The following PEX3 variants were observed in gnomAD, a reference collection of about 807,000 sequenced individuals.
The protein encoded by PEX3 is peroxin-3.
PEX3 carries 30 observed loss-of-function variants against 55.8 expected under a neutral mutation model. That is an observed-to-expected ratio of 0.54 (90% CI 0.40 to 0.73). The LOEUF (loss-of-function observed/expected upper bound fraction) is 0.73. Among genes scored for constraint, PEX3 ranks in the 30% least tolerant of loss-of-function variants. PEX3 has a pLI of 0.00. For synonymous variants in PEX3, 135 were observed against 148.4 expected (o/e 0.91, Z 0.66); for missense variants, 351 against 432.8 (o/e 0.81, Z 1.68).
At position 143,476,314 on chromosome 6, in the gene PEX3, A is replaced by C. The variant is rs1036403533; in HGVS notation, c.818+1458A>C. On this transcript the variant is annotated intron_variant, in intron 9 of 11. Coordinates refer to ENST00000367591, the MANE Select transcript of PEX3 (RefSeq NM_003630.3). This position sits in a 1 kb window ranked among gnomAD's most constrained non-coding sequence, Gnocchi z 5.4. ...GTAATAGGGAAGTGAGATTGGAGAGATAGATGGAAACTCCAGAGTATGTTG... is the reference window on the plus strand; with the variant it reads ...GTAATAGGGAAGTGAGATTGGAGAGCTAGATGGAAACTCCAGAGTATGTTG... Among the ~76,000 whole-genome samples the C allele has an allele frequency of 6.6e-6, 1 of 152,216 alleles. No individual in the cohort carries two copies. Among genetic ancestry groups the C allele is most frequent in the African/African-American group, 2.4e-5 (1 of 41,448 alleles).
chr6:143,452,100 T>C (rs1779778231), intron 1 of PEX3, among the ~76,000 whole-genome samples: 1 of 152,202 alleles, frequency 6.6e-6, no homozygotes, highest in African/African-American at 2.4e-5. Flanking sequence ...AAATTAACAG[T>C]ACGTATTAGA....
At chr6:143,455,359 ATTTT>A (rs56788350) in intron 1 of PEX3, among the ~76,000 whole-genome samples, 7 of 71,988 alleles carry the variant, frequency 9.7e-5, no homozygotes, top group African/African-American at 3.3e-4. Context: ...CGCCCGGCTA[ATTTT>A]TTTTTTTTTT....
rs1313684930 is a variant in PEX3 at position 143,462,907 on chromosome 6, G to A, written c.206-9G>A. 1 of 1,606,652 alleles carries A rather than the reference G, an allele frequency of 6.2e-7. No individual in the cohort carries two copies. On this transcript the variant is annotated splice_polypyrimidine_tract_variant and intron_variant, in intron 2 of 11. Coordinates refer to ENST00000367591, the MANE Select transcript of PEX3 (RefSeq NM_003630.3). The surrounding 1 kb of genome is among the most constrained non-coding windows in gnomAD (Gnocchi z 4.1). ...GTGACCTTTTTTATTTTTTTTGTTT[G>A]TATTACAGTGCTGTCCATGCTTCCA... is the stretch of plus-strand genomic sequence containing the variant.
Position 143,488,741 on chromosome 6 carries a change from T to C in PEX3, c.1039-402T>C, listed in dbSNP as rs1033486969. Reference sequence around the variant, plus strand: ...GTGTATATGTAAAATATGCACTTACTACACATATTCATACCGTATGTTAGA... The same window carrying C: ...GTGTATATGTAAAATATGCACTTACCACACATATTCATACCGTATGTTAGA... On this transcript the variant is annotated intron_variant, in intron 11 of 11. Transcript: ENST00000367591. The surrounding 1 kb of genome is among the most constrained non-coding windows in gnomAD (Gnocchi z 4.9). Among the ~76,000 whole-genome samples the C allele has an allele frequency of 2.0e-5, 3 of 152,144 alleles. No individual in the cohort carries two copies. The highest frequency in any genetic ancestry group is 7.2e-5 in the African/African-American group (3 of 41,452).
Position 143,462,964 on chromosome 6 carries a change from A to G in PEX3, c.254A>G (p.Asn85Ser), listed in dbSNP as rs1562652385. ...TLREALMQQLNSESLTALLKN... is the reference protein window; with the variant it reads ...TLREALMQQLSSESLTALLKN... ...AGAGAGGCCTTAATGCAGCAACTGA[A>G]TTCCGAGAGCCTCACAGCTCTGCTA... Residue 85 changes from asparagine (N) to serine (S), a missense_variant, in exon 3 of 12, where the codon AAT (asparagine) becomes AGT (serine). Coordinates refer to ENST00000367591, the MANE Select transcript of PEX3 (RefSeq NM_003630.3). The surrounding 1 kb of genome is among the most constrained non-coding windows in gnomAD (Gnocchi z 4.1). 1 of 1,613,912 alleles carries G rather than the reference A, an allele frequency of 6.2e-7. No individual in the cohort carries two copies.
chr6:143,489,158 G>A lies in PEX3; in HGVS notation c.1054G>A (p.Glu352Lys). The change falls in exon 12 of 12, where the codon GAG becomes AAG. Residue 352 changes from glutamate to lysine, a missense_variant. Glu to Lys is a moderately conservative substitution (Grantham distance 56). Transcript: ENST00000367591. This position sits in a 1 kb window ranked among gnomAD's most constrained non-coding sequence, Gnocchi z 5.5. ...SHFVQDLLTM[E>K]QVKDFAANVY... ...TCTTTGCTAGGATCTGTTGACAATG[G>A]AGCAAGTGAAAGACTTTGCTGCTAA... The A allele has an allele frequency of 6.2e-7, 1 of 1,604,454 alleles. No individual in the cohort carries two copies. The highest frequency in any genetic ancestry group is 8.5e-7 in the Non-Finnish European group (1 of 1,171,570).
intron 8 of PEX3, among the ~76,000 whole-genome samples, chr6:143,473,223 A>T (rs1780099066): frequency 6.6e-6 from 1 of 152,184 alleles, no homozygotes; most frequent in South Asian, 2.1e-4. Flanking sequence ...GGGTGCTGAG[A>T]GATCCTACAT....
rs1176492801 is a variant in PEX3, at chr6:143,483,072, A to G, written c.942-2080A>G. ...CCATGAGTGTAATGACATTATATAC[A>G]GAACTTTTGCACATCAGTTAAGGAA... On this transcript the variant is annotated intron_variant, in intron 10 of 11. Coordinates refer to ENST00000367591, the MANE Select transcript of PEX3 (RefSeq NM_003630.3). The surrounding 1 kb of genome is among the most constrained non-coding windows in gnomAD (Gnocchi z 4.3). Among the ~76,000 whole-genome samples the G allele has an allele frequency of 1.3e-5, 2 of 152,182 alleles. No homozygotes were observed. Among genetic ancestry groups the G allele is most frequent in the African/African-American group, 4.8e-5 (2 of 41,454 alleles).
chr6:143,486,351 A>C lies in PEX3; in HGVS notation c.1038+1103A>C, dbSNP rs983183444. On this transcript the variant is annotated intron_variant, in intron 11 of 11. Transcript: ENST00000367591. This position sits in a 1 kb window ranked among gnomAD's most constrained non-coding sequence, Gnocchi z 5.0. ...CCCTGGCTTGGCCAGTAGGCTGTTC[A>C]TTTTGACAGATGAGTGGAAATTACA... is the stretch of plus-strand genomic sequence containing the variant. Among the ~76,000 whole-genome samples the C allele has an allele frequency of 2.0e-5, 3 of 152,090 alleles. No individual in the cohort carries two copies. The highest frequency in any genetic ancestry group is 7.2e-5 in the African/African-American group (3 of 41,416).
chr6:143,450,982 AAC>A lies in PEX3; in HGVS notation c.-59_-58del. ...GGTCATCTGGGCCAGGTGACGAAGA[AAC>A]AGTTTCCTGGTGAAGCAGTCCCTCA... On this transcript the variant is annotated 5_prime_UTR_variant, in exon 1 of 12. Transcript: ENST00000367591. 2 of 1,245,696 alleles carry A rather than the reference AAC, an allele frequency of 1.6e-6. No homozygotes were observed. Among genetic ancestry groups the A allele is most frequent in the East Asian group, 2.3e-5 (1 of 43,254 alleles). 77.2% of individuals were successfully genotyped at this position (1,245,696 alleles called of 1,614,324 possible).
rs1030371840 is a variant in PEX3 at position 143,482,755 on chromosome 6, G to A, written c.942-2397G>A. Among the ~76,000 whole-genome samples the A allele has an allele frequency of 2.6e-5, 4 of 151,968 alleles. No homozygotes were observed. Among genetic ancestry groups the A allele is most frequent in the Non-Finnish European group, 5.9e-5 (4 of 67,924 alleles). Reference sequence around the variant, plus strand: ...TGGGCAAAATATATGTTGGTAAGACGAATAACAATTAGTCATTTTACAATG... The same window carrying A: ...TGGGCAAAATATATGTTGGTAAGACAAATAACAATTAGTCATTTTACAATG... On this transcript the variant is annotated intron_variant, in intron 10 of 11. Coordinates refer to ENST00000367591, the MANE Select transcript of PEX3 (RefSeq NM_003630.3). The surrounding 1 kb of genome is among the most constrained non-coding windows in gnomAD (Gnocchi z 5.5).
intron 8 of PEX3, among the ~76,000 whole-genome samples, chr6:143,474,345 G>C (rs553328152): frequency 6.6e-6 from 1 of 151,770 alleles, no homozygotes; most frequent in East Asian, 1.9e-4. Flanking sequence ...TGTAATCCCA[G>C]CTACTCAGGA....
rs1400844045 is a variant in PEX3, at chr6:143,483,535, T to C, written c.942-1617T>C. Among the ~76,000 whole-genome samples, 1 of 152,160 alleles carries C rather than the reference T, an allele frequency of 6.6e-6. No individual in the cohort carries two copies. The highest frequency in any genetic ancestry group is 1.5e-5 in the Non-Finnish European group (1 of 68,028). On this transcript the variant is annotated intron_variant, in intron 10 of 11. Coordinates refer to ENST00000367591, the MANE Select transcript of PEX3 (RefSeq NM_003630.3). The surrounding 1 kb of genome is among the most constrained non-coding windows in gnomAD (Gnocchi z 4.3). Reference sequence around the variant, plus strand: ...AAGACTTATAAAGAGGCTGGCATGGTAGCTGAATACATAGAACAAGAGTGG... The same window carrying C: ...AAGACTTATAAAGAGGCTGGCATGGCAGCTGAATACATAGAACAAGAGTGG...
chr6:143,467,332 A>AT (rs1780006076), intron 3 of PEX3, among the ~76,000 whole-genome samples: 1 of 152,150 alleles, frequency 6.6e-6, no homozygotes. Flanking sequence ...TATCAGTATG[A>AT]ATTCATGATG....
intron 10 of PEX3, among the ~76,000 whole-genome samples, chr6:143,484,741 T>C (rs1007416518): frequency 1.3e-5 from 2 of 152,034 alleles, no homozygotes; most frequent in East Asian, 3.9e-4. Context: ...TTAAGAAAAT[T>C]TAGGCAAAAA....
rs964610655 is a variant in PEX3 at position 143,451,634 on chromosome 6, A to G, written c.73+519A>G. Among the ~76,000 whole-genome samples, 1 of 152,240 alleles carries G rather than the reference A, an allele frequency of 6.6e-6. No individual in the cohort carries two copies. Among genetic ancestry groups the G allele is most frequent in the Non-Finnish European group, 1.5e-5 (1 of 68,040 alleles). ...CTGAAAGATATGGATTAGATAAAGA[A>G]AAACAAATCAATATTTTAGCTCTGT... On this transcript the variant is annotated intron_variant, in intron 1 of 11. Coordinates refer to ENST00000367591, the MANE Select transcript of PEX3 (RefSeq NM_003630.3). This position sits in a 1 kb window ranked among gnomAD's most constrained non-coding sequence, Gnocchi z 4.1.
rs1261927104 is a variant in PEX3, at chr6:143,463,925, A to G, written c.287+928A>G. Among the ~76,000 whole-genome samples the G allele has an allele frequency of 2.0e-5, 3 of 152,144 alleles. No individual in the cohort carries two copies. Among genetic ancestry groups the G allele is most frequent in the Non-Finnish European group, 4.4e-5 (3 of 67,980 alleles). On this transcript the variant is annotated intron_variant, in intron 3 of 11. Coordinates refer to ENST00000367591, the MANE Select transcript of PEX3 (RefSeq NM_003630.3). The surrounding 1 kb of genome is among the most constrained non-coding windows in gnomAD (Gnocchi z 5.7). ...GGGAATTTTTTTAAAAACACTTACT[A>G]TATTCAGAGAATACTTCCCAAAATA...
intron 9 of PEX3, among the ~76,000 whole-genome samples, chr6:143,477,748 A>T (rs113867452): frequency 0.011 from 1,631 of 152,146 alleles, 24 homozygotes; most frequent in African/African-American, 0.037. Flanking sequence ...ATCTATCTTA[A>T]CTCACTTAAA....
rs920717856 is a variant in PEX3 at position 143,466,622 on chromosome 6, C to G, written c.288-1500C>G. 6.6e-6 allele frequency among the ~76,000 whole-genome samples: 1 copy of G among 151,978 alleles called. No individual in the cohort carries two copies. Among genetic ancestry groups the G allele is most frequent in the Admixed American group, 6.6e-5 (1 of 15,252 alleles). ...TGGTACTATCTTCAGTTTCAGGCAT[C>G]TACCGAGGGTCTTCAAACGTATCCC... On this transcript the variant is annotated intron_variant, in intron 3 of 11. Coordinates refer to ENST00000367591, the MANE Select transcript of PEX3 (RefSeq NM_003630.3). This position sits in a 1 kb window ranked among gnomAD's most constrained non-coding sequence, Gnocchi z 5.4.
Sources: allele counts gnomAD v4.1 joint callset (sites outside exome capture counted in the v4.1 genomes callset), GRCh38; gene constraint gnomAD v4.1.1; non-coding constraint Gnocchi (gnomAD v3.1); transcripts MANE v1.5; gene names NCBI Gene and HGNC (gene_info 2026-07-23, HGNC 2026-07-21).